CFAP47: variants seen among roughly 807,000 people sequenced by gnomAD.
CFAP47 encodes the protein cilia- and flagella-associated protein 47.
A neutral mutation model predicts 148.1 loss-of-function variants in CFAP47; 29 were observed. That is an observed-to-expected ratio of 0.20 (90% CI 0.15 to 0.27). The LOEUF (loss-of-function observed/expected upper bound fraction) is 0.27, where lower values mean the gene tolerates loss of function less well. Among genes scored for constraint, CFAP47 ranks in the 10% least tolerant of loss-of-function variants. The pLI is 1.00. For missense variants in CFAP47, 1,872 were observed against 1,697.5 expected (o/e 1.10, Z -1.81); for synonymous variants, 664 against 577.3 (o/e 1.15, Z -2.15).
intron 39 of CFAP47, among the ~76,000 whole-genome samples, chrX:36,167,234 A>G (rs1215573344): frequency 1.8e-5 from 2 of 111,216 alleles, no homozygotes; most frequent in Non-Finnish European, 3.8e-5. Context: ...ATTTCTCCAC[A>G]CATTATTGAA....
At chrX:36,186,456 G>A (rs185147295) in intron 40 of CFAP47, among the ~76,000 whole-genome samples, 193 of 111,796 alleles carry the variant, frequency 1.7e-3, no homozygotes, top group Middle Eastern at 4.6e-3. Context: ...TATCAAGATA[G>A]AATGAATCTA....
intron 15 of CFAP47, among the ~76,000 whole-genome samples, chrX:35,981,896 G>T (rs1936650287): frequency 9.0e-6 from 1 of 111,539 alleles, no homozygotes; most frequent in Non-Finnish European, 1.9e-5. Context: ...TGGTATATAT[G>T]TACCACATTT....
At chrX:36,208,466 C>T (rs932718361) in intron 45 of CFAP47, among the ~76,000 whole-genome samples, 1 of 109,667 alleles carries the variant, frequency 9.1e-6, no homozygotes, top group Non-Finnish European at 1.9e-5. Flanking sequence ...CACGGGTTCA[C>T]GGCCCACAGA....
At chrX:36,076,019 A>G (rs1176388180) in intron 29 of CFAP47, among the ~76,000 whole-genome samples, 1 of 111,038 alleles carries the variant, frequency 9.0e-6, no homozygotes, top group African/African-American at 3.3e-5. Flanking sequence ...TGGTAGAATG[A>G]TTTATTTTCT....
At chrX:36,049,213 A>C (rs1332019065) in intron 26 of CFAP47, among the ~76,000 whole-genome samples, 1 of 109,833 alleles carries the variant, frequency 9.1e-6, no homozygotes, top group Non-Finnish European at 1.9e-5. Context: ...GTTTTATAGA[A>C]GAGGAATCTA....
intron 51 of CFAP47, among the ~76,000 whole-genome samples, chrX:36,296,025 C>G (rs1474324661): frequency 1.8e-5 from 2 of 111,650 alleles, no homozygotes; most frequent in Non-Finnish European, 3.8e-5. Flanking sequence ...GTACTGGTAG[C>G]GCTAAGCATT....
chrX:36,011,791 A>G (rs1006844575), intron 21 of CFAP47, among the ~76,000 whole-genome samples: 1 of 111,777 alleles, frequency 8.9e-6, no homozygotes, highest in Non-Finnish European at 1.9e-5. Context: ...ATTTTCTCCC[A>G]TATTGTAGGT....
intron 49 of CFAP47, among the ~76,000 whole-genome samples, chrX:36,268,134 G>A (rs1380840663): frequency 1.8e-5 from 2 of 113,412 alleles, no homozygotes; most frequent in Non-Finnish European, 3.7e-5. Flanking sequence ...TACATAAGAT[G>A]ATCTGTCCTC....
intron 2 of CFAP47, among the ~76,000 whole-genome samples, chrX:35,935,585 T>TTA (rs1304420262): frequency 5.8e-4 from 62 of 107,795 alleles, no homozygotes; most frequent in African/African-American, 2.1e-3. Flanking sequence ...TTTTTTTTTT[T>TTA]TATATAGATA....
chrX:35,932,650 C>T (rs188710001), intron 2 of CFAP47, among the ~76,000 whole-genome samples: 21 of 106,022 alleles, frequency 2.0e-4, no homozygotes, highest in East Asian at 1.5e-3. Flanking sequence ...TTTTTTGAGA[C>T]GCAGTCTCAC....
chrX:36,052,096 G>A (rs1365053903), intron 26 of CFAP47, among the ~76,000 whole-genome samples: 2 of 111,554 alleles, frequency 1.8e-5, no homozygotes, highest in South Asian at 3.7e-4. Flanking sequence ...ATATTACCCA[G>A]CCTTGGGTAT....
chrX:35,966,298 A>AGATATTAGCTGCT, intron 8 of CFAP47, among the ~76,000 whole-genome samples: 1 of 113,025 alleles, frequency 8.8e-6, no homozygotes, highest in African/African-American at 3.2e-5. Context: ...AATATTTAAG[A>AGATATTAGCTGCT]AATATTAGCT....
Position 36,225,812 on chromosome X carries a change from T to G in CFAP47, c.6818-2816T>G, listed in dbSNP as rs917050580. Among the ~76,000 whole-genome samples the G allele has an allele frequency of 7.2e-5, 8 of 111,085 alleles. No homozygotes were observed. In the Admixed American group the frequency reaches 7.7e-4, roughly 11 times the overall value. The stretch of plus-strand genomic sequence containing the variant: ...GACCAGGACAGGAACCTCTCTATCC[T>G]GGGATTTAGGGCATGTGTTAAGCTA... On this transcript the variant is annotated intron_variant, in intron 45 of 63. Coordinates refer to ENST00000378653, the MANE Select transcript of CFAP47 (RefSeq NM_001304548.2).
Position 36,298,491 on chromosome X carries a change from G to A in CFAP47, c.7687-486G>A, listed in dbSNP as rs781928389. Among the ~76,000 whole-genome samples the A allele has an allele frequency of 4.0e-3, 433 of 107,232 alleles. 1 individual carries two copies. Among genetic ancestry groups the A allele is most frequent in the African/African-American group, 0.014 (416 of 29,302 alleles). 93.1% of individuals were successfully genotyped at this position (107,232 alleles called of 115,157 possible). On this transcript the variant is annotated intron_variant, in intron 51 of 63. Coordinates refer to ENST00000378653, the MANE Select transcript of CFAP47 (RefSeq NM_001304548.2). ...GAGTTAGTGGGTGCAGCGCACCAGC[G>A]TGGCACATGTATACATATGTAACTA...
intron 62 of CFAP47, chrX:36,374,667 G>T (rs1247099588): frequency 3.1e-6 from 1 of 318,221 alleles, no homozygotes; most frequent in Non-Finnish European, 5.5e-6. Flanking sequence ...ATCATTATAA[G>T]ATTTCCTCTT....
At chrX:36,223,007 A>G (rs1242769697) in intron 45 of CFAP47, among the ~76,000 whole-genome samples, 3 of 110,335 alleles carry the variant, frequency 2.7e-5, no homozygotes, top group African/African-American at 9.9e-5. Flanking sequence ...CAGGATAGTG[A>G]GTGAGTTCTA....
At position 36,073,070 on chromosome X, in the gene CFAP47, A is replaced by T. The variant is rs899465025; in HGVS notation, c.4466-69A>T. On this transcript the variant is annotated intron_variant, in intron 28 of 63. Coordinates refer to ENST00000378653, the MANE Select transcript of CFAP47 (RefSeq NM_001304548.2). ...GGTTCTATTAGTCTGCATACAAATG[A>T]CAATAACTGACAGAATATTTTACTC... The T allele has an allele frequency of 5.5e-6, 4 of 726,843 alleles. No individual in the cohort carries two copies. The African/African-American group carries it at 8.5e-5, about 15-fold the overall frequency. 59.9% of individuals were successfully genotyped at this position (726,843 alleles called of 1,213,427 possible).
chrX:35,973,850 A>G (rs1234982058), intron 13 of CFAP47, among the ~76,000 whole-genome samples: 6 of 112,467 alleles, frequency 5.3e-5, no homozygotes, highest in Non-Finnish European at 9.4e-5. Context: ...TTTAGTGAAA[A>G]CACTTCATCC....
intron 48 of CFAP47, among the ~76,000 whole-genome samples, chrX:36,240,612 C>G (rs1254018451): frequency 9.1e-6 from 1 of 110,231 alleles, no homozygotes; most frequent in Non-Finnish European, 1.9e-5. Context: ...GAAAAATGAA[C>G]AGAACTTTAG....
Sources: allele counts gnomAD v4.1 joint callset (sites outside exome capture counted in the v4.1 genomes callset), GRCh38; gene constraint gnomAD v4.1.1; transcripts MANE v1.5; gene names NCBI Gene and HGNC (gene_info 2026-07-23, HGNC 2026-07-21).